STK31: variants seen among roughly 807,000 people sequenced by gnomAD.
STK31 encodes the protein serine/threonine-protein kinase 31.
Under a neutral mutation model 129.7 loss-of-function variants are expected in STK31, and 89 were observed. That is an observed-to-expected ratio of 0.69 (90% CI 0.58 to 0.82). The LOEUF (loss-of-function observed/expected upper bound fraction) is 0.82, where lower values mean the gene tolerates loss of function less well. STK31 is among the 40% of genes least tolerant of loss of function. The pLI, the probability that STK31 is intolerant of heterozygous loss-of-function variation, is 0.00. For missense variants in STK31, 1,187 were observed against 1,176.4 expected (o/e 1.01, Z -0.13); for synonymous variants, 448 against 395.3 (o/e 1.13, Z -1.58).
At chr7:23,759,340 C>A (rs1198975710) in intron 10 of STK31, among the ~76,000 whole-genome samples, 1 of 152,212 alleles carries the variant, frequency 6.6e-6, no homozygotes, top group East Asian at 1.9e-4. Flanking sequence ...CTTCTCAGTG[C>A]CACATGGCAC....
At chr7:23,757,037 G>T (rs2390811) in intron 10 of STK31, among the ~76,000 whole-genome samples, 1 of 151,934 alleles carries the variant, frequency 6.6e-6, no homozygotes, top group East Asian at 1.9e-4. Flanking sequence ...GTCCTTTTCA[G>T]TTGTTGGGAA....
chr7:23,796,354 AG>A (rs968719221), intron 22 of STK31, among the ~76,000 whole-genome samples: 1 of 115,700 alleles, frequency 8.6e-6, no homozygotes, highest in Non-Finnish European at 2.0e-5. Flanking sequence ...AAACATATCA[AG>A]TTTTTTTTTT....
chr7:23,752,932 T>A, intron 9 of STK31, 100 bp downstream of exon 9: 1 of 748,448 alleles, frequency 1.3e-6, no homozygotes, highest in Non-Finnish European at 2.2e-6. Context: ...CTTTAAAATT[T>A]AACCTTTGTA....
chr7:23,808,943 T>TTATGTGTGTGTG (rs71552258), intron 22 of STK31, among the ~76,000 whole-genome samples: 56 of 84,534 alleles, frequency 6.6e-4, no homozygotes, highest in African/African-American at 1.7e-3. Flanking sequence ...CTTGGAGCTT[T>TTATGTGTGTGTG]TGTGTGTGTG....
At chr7:23,830,776 C>CACTCATCTAATGTTTGTATTTTT (rs1794498473) in intron 23 of STK31, among the ~76,000 whole-genome samples, 1 of 152,156 alleles carries the variant, frequency 6.6e-6, no homozygotes, top group African/African-American at 2.4e-5. Context: ...TCTGCCACCA[C>CACTCATCTAATGTTTGTATTTTT]ACTCATCTAA....
chr7:23,758,049 G>A (rs1437911078), intron 10 of STK31, among the ~76,000 whole-genome samples: 1 of 152,186 alleles, frequency 6.6e-6, no homozygotes, highest in African/African-American at 2.4e-5. Context: ...AGGGTTGGGG[G>A]TAGGGTTGCA....
At chr7:23,824,602 C>T (rs551556563) in intron 23 of STK31, among the ~76,000 whole-genome samples, 11 of 152,300 alleles carry the variant, frequency 7.2e-5, no homozygotes, top group African/African-American at 2.6e-4. Context: ...CTTCTCCTGC[C>T]TGATTGCCCT....
intron 8 of STK31, among the ~76,000 whole-genome samples, chr7:23,747,120 G>C (rs1788404219): frequency 6.6e-6 from 1 of 151,948 alleles, no homozygotes; most frequent in Non-Finnish European, 1.5e-5. Flanking sequence ...GACATATATT[G>C]GTTTGTGGCT....
intron 10 of STK31, among the ~76,000 whole-genome samples, chr7:23,758,226 C>A (rs1053222123): frequency 1.3e-5 from 2 of 152,230 alleles, no homozygotes; most frequent in Non-Finnish European, 1.5e-5. Context: ...AGAGTTTATT[C>A]ATTTCTTCTA....
At chr7:23,810,762 AATATATAAATATATATT>A (rs1181257749) in intron 22 of STK31, among the ~76,000 whole-genome samples, 15,923 of 135,322 alleles carry the variant, frequency 0.12, 1,482 homozygotes, top group African/African-American at 0.25. Flanking sequence ...TATAATATAT[AATATATAAATATATATT>A]ATATATAAAT....
At chr7:23,776,191 G>T (rs1321910510) in intron 15 of STK31, among the ~76,000 whole-genome samples, 2 of 152,244 alleles carry the variant, frequency 1.3e-5, no homozygotes, top group Non-Finnish European at 2.9e-5. Flanking sequence ...CTTGATTTTG[G>T]TGGATAAGCT....
chr7:23,749,337 T>G (rs927772383), intron 8 of STK31, among the ~76,000 whole-genome samples: 3 of 141,894 alleles, frequency 2.1e-5, no homozygotes, highest in African/African-American at 7.7e-5. Flanking sequence ...TTTTCTTTTC[T>G]TTTCTTGTTT....
At chr7:23,742,149 C>T (rs1788089013) in intron 8 of STK31, among the ~76,000 whole-genome samples, 1 of 152,172 alleles carries the variant, frequency 6.6e-6, no homozygotes, top group African/African-American at 2.4e-5. Flanking sequence ...CTGTGTCAGC[C>T]CAAACTCAGG....
intron 4 of STK31, among the ~76,000 whole-genome samples, chr7:23,719,128 T>C (rs1254422463): frequency 6.6e-6 from 1 of 152,250 alleles, no homozygotes; most frequent in Non-Finnish European, 1.5e-5. Context: ...CTTGATTGAT[T>C]TGTAGGCATT....
intron 15 of STK31, among the ~76,000 whole-genome samples, chr7:23,777,026 T>C (rs778738996): frequency 6.6e-6 from 1 of 152,236 alleles, no homozygotes; most frequent in Non-Finnish European, 1.5e-5. Context: ...ATTGTGTCTT[T>C]GTTCTCATTG....
intron 8 of STK31, among the ~76,000 whole-genome samples, chr7:23,742,065 G>A (rs1167128914): frequency 6.6e-6 from 1 of 152,222 alleles, no homozygotes; most frequent in South Asian, 2.1e-4. Context: ...CCATTGCAGG[G>A]CTGTGGGTAT....
intron 10 of STK31, among the ~76,000 whole-genome samples, chr7:23,762,560 G>T (rs1260410334): frequency 6.6e-6 from 1 of 152,046 alleles, no homozygotes; most frequent in African/African-American, 2.4e-5. Flanking sequence ...AAATTTCATT[G>T]TTGCAGAAAT....
chr7:23,800,747 A>T (rs1396985176), intron 22 of STK31, among the ~76,000 whole-genome samples: 1 of 151,966 alleles, frequency 6.6e-6, no homozygotes, highest in Non-Finnish European at 1.5e-5. Context: ...TAAAGTATAT[A>T]AAAAAAAGAA....
chr7:23,718,139 A>G (rs891390696), intron 4 of STK31, among the ~76,000 whole-genome samples: 1 of 152,206 alleles, frequency 6.6e-6, no homozygotes, highest in African/African-American at 2.4e-5. Context: ...TAGGAAAAGT[A>G]GAATTAAAAG....
Sources: gnomAD v4.1 joint callset for allele counts (sites outside exome capture counted in the v4.1 genomes callset) on GRCh38, gnomAD v4.1.1 for gene constraint, MANE v1.5 for transcripts, NCBI Gene and HGNC (gene_info 2026-07-23, HGNC 2026-07-21) for gene names.